SAMHD1: variants seen among roughly 807,000 people sequenced by gnomAD.
The protein encoded by SAMHD1 is SAM and HD domain containing deoxynucleoside triphosphate triphosphohydrolase 1.
A neutral mutation model predicts 79.6 loss-of-function variants in SAMHD1; 54 were observed. The observed-to-expected ratio is 0.68, with a 90% confidence interval of 0.55 to 0.85. The LOEUF (loss-of-function observed/expected upper bound fraction) is 0.85, where lower values mean the gene tolerates loss of function less well. Ranked by LOEUF, SAMHD1 falls within the 40% of genes least tolerant of loss-of-function variation. SAMHD1 has a pLI of 0.00. For missense variants in SAMHD1, 663 were observed against 782.7 expected, an observed-to-expected ratio of 0.85 and a Z score of 1.82; for synonymous variants, 260 against 264.1, an observed-to-expected ratio of 0.98 and a Z score of 0.15.
rs1568788547 is a variant in SAMHD1, at chr20:36,951,635, T to C, written c.9A>G (p.Arg3=). The C allele has an allele frequency of 6.2e-7, 1 of 1,613,466 alleles. No homozygotes were observed. Among genetic ancestry groups the C allele is most frequent in the Non-Finnish European group, 8.5e-7 (1 of 1,179,980 alleles). ...GCTTGGAGGGCTGCTCGGAATCGGC[T>C]CGCTGCATGGCTACACCTGGCGTCC... MQ[R]ADSEQPSKRP... is the part of the protein sequence containing the mutation. Residue 3 remains arginine (R), a synonymous_variant, in exon 1 of 16, where the codon CGA becomes CGG. Coordinates refer to ENST00000646673, the MANE Select transcript of SAMHD1 (RefSeq NM_015474.4).
chr20:36,897,467 T>G (rs1990219191), intron 15 of SAMHD1: 1 of 335,458 alleles, frequency 3.0e-6, no homozygotes, highest in Non-Finnish European at 5.7e-6. Context: ...TATTATCAAT[T>G]TTATGTTAAA....
chr20:36,894,205 G>T (rs908820430), intron 15 of SAMHD1: 2 of 362,284 alleles, frequency 5.5e-6, no homozygotes, highest in African/African-American at 4.2e-5. Flanking sequence ...GATCTGACTT[G>T]ATAGAACTAT....
chr20:36,894,269 CT>C (rs1163590538), intron 15 of SAMHD1: 3 of 178,582 alleles, frequency 1.7e-5, no homozygotes, highest in African/African-American at 2.4e-5. Context: ...TGGAATTTTG[CT>C]CTGTCACCCA....
chr20:36,897,624 C>T, intron 15 of SAMHD1, 198 bp downstream of exon 15: 2 of 641,752 alleles, frequency 3.1e-6, no homozygotes, highest in Non-Finnish European at 5.5e-6. Flanking sequence ...AGTATCCATT[C>T]CCAACTCCTG....
intron 9 of SAMHD1, chr20:36,916,498 A>C: frequency 2.1e-6 from 1 of 470,888 alleles, no homozygotes; most frequent in East Asian, 4.1e-5. Context: ...CAAACAAAAA[A>C]ACCCCAAAAC....
chr20:36,930,792 C>G lies in SAMHD1; in HGVS notation c.593G>C (p.Cys198Ser), dbSNP rs1265597702. Reference sequence around the variant, plus strand: ...ATGACAAAGTCCAGCAATCTGAACACAGAGAACATCTCGTTCACTTATCTG... The same window carrying G: ...ATGACAAAGTCCAGCAATCTGAACAGAGAGAACATCTCGTTCACTTATCTG... The part of the protein sequence containing the change: ...ELQISERDVL[C>S]VQIAGLCHDL... The change falls in exon 5 of 16, where the codon TGT becomes TCT. Residue 198 changes from cysteine to serine, a missense_variant. Physicochemically the swap from Cys to Ser is moderately radical, Grantham distance 112. Coordinates refer to ENST00000646673, the MANE Select transcript of SAMHD1 (RefSeq NM_015474.4). The G allele has an allele frequency of 6.2e-7, 1 of 1,613,826 alleles. No individual in the cohort carries two copies. Among genetic ancestry groups the G allele is most frequent in the Non-Finnish European group, 8.5e-7 (1 of 1,179,806 alleles).
intron 2 of SAMHD1, among the ~76,000 whole-genome samples, chr20:36,942,182 G>A (rs534810849): frequency 9.8e-5 from 15 of 152,322 alleles, no homozygotes; most frequent in South Asian, 6.2e-4. Flanking sequence ...TTGGGAGGCC[G>A]AGGTGGGTGG....
intron 12 of SAMHD1, 134 bp downstream of exon 12, chr20:36,905,230 G>T: frequency 1.0e-6 from 1 of 968,582 alleles, no homozygotes; most frequent in Non-Finnish European, 1.7e-6. Flanking sequence ...TAAGACCCCT[G>T]CACTACTGTG....
Position 36,905,410 on chromosome 20 carries a change from T to C in SAMHD1, c.1364A>G (p.Lys455Arg), listed in dbSNP as rs375221582. ...TGTTGGCTGCGTCTCACCCACATACTTGAATAGATTACGGTATTCAATTTG... is the reference window on the plus strand; with the variant it reads ...TGTTGGCTGCGTCTCACCCACATACCTGAATAGATTACGGTATTCAATTTG... ...LKQIEYRNLF[K>R]YVGETQPTGQ... Residue 455 changes from lysine to arginine, a missense_variant, in exon 12 of 16, where the codon AAG becomes AGG. Transcript: ENST00000646673. 1 of 1,614,082 alleles carries C rather than the reference T, an allele frequency of 6.2e-7. No homozygotes were observed. The highest frequency in any genetic ancestry group is 8.5e-7 in the Non-Finnish European group (1 of 1,179,940).
At position 36,951,673 on chromosome 20, in the gene SAMHD1, A is replaced by G; in HGVS notation, c.-30T>C. ...ACACCTGGCGTCCGGCACAGCAGTC[A>G]AGAACCTCGGCGCCGGACCCGCGCG... On this transcript the variant is annotated 5_prime_UTR_variant, in exon 1 of 16. Transcript: ENST00000646673. 1.2e-6 allele frequency: 2 copies of G among 1,611,374 alleles called. No individual in the cohort carries two copies. Among genetic ancestry groups the G allele is most frequent in the Non-Finnish European group, 1.7e-6 (2 of 1,179,876 alleles).
rs572764601 is a variant in SAMHD1 at position 36,924,029 on chromosome 20, A to G, written c.696+3153T>C. Among the ~76,000 whole-genome samples, 5 of 152,244 alleles carry G rather than the reference A, an allele frequency of 3.3e-5. No homozygotes were observed. In the South Asian group the frequency reaches 1.0e-3, roughly 32 times the overall value. On this transcript the variant is annotated intron_variant, in intron 6 of 15. Transcript: ENST00000646673. ...CTTTAGGAGGCCAAGCGGGGCAGAT[A>G]GCTTGAGCTCGGGAGTTGAGACCAG...
chr20:36,911,201 T>C lies in SAMHD1; in HGVS notation c.1270+17A>G, dbSNP rs2063437409. The C allele has an allele frequency of 3.4e-6, 5 of 1,477,688 alleles. No individual in the cohort carries two copies. The highest frequency in any genetic ancestry group is 1.4e-5 in the African/African-American group (1 of 72,236). 91.5% of individuals were successfully genotyped at this position (1,477,688 alleles called of 1,614,324 possible). ...TTTATCTGAGATGGACCATCTATGT[T>C]ACCTGTTACTTCTTACCTGTCAGCT... On this transcript the variant is annotated intron_variant, in intron 11 of 15. Coordinates refer to ENST00000646673, the MANE Select transcript of SAMHD1 (RefSeq NM_015474.4).
At chr20:36,898,405 C>A (rs1425150256) in intron 14 of SAMHD1, 35 bp downstream of exon 14, 1 of 1,434,510 alleles carries the variant, frequency 7.0e-7, no homozygotes, top group Admixed American at 1.7e-5. Context: ...TTGCTACATG[C>A]CACTATAGTA....
At chr20:36,937,648 T>C (rs1190143802) in intron 3 of SAMHD1, among the ~76,000 whole-genome samples, 2 of 152,162 alleles carry the variant, frequency 1.3e-5, no homozygotes, top group African/African-American at 4.8e-5. Flanking sequence ...GTTTTAAGTA[T>C]CAAGTTAGGT....
chr20:36,898,350 C>T (rs1156793180), intron 14 of SAMHD1, 90 bp downstream of exon 14: 29 of 1,021,886 alleles, frequency 2.8e-5, no homozygotes, highest in East Asian at 7.2e-5. Context: ...AAAGATATGC[C>T]TTAAAACCTA....
intron 12 of SAMHD1, 84 bp from the exon 13 acceptor site, chr20:36,904,333 C>T: frequency 1.1e-6 from 1 of 902,998 alleles, no homozygotes; most frequent in Non-Finnish European, 1.9e-6. Context: ...ATGAAAATGG[C>T]ACCTAACTAA....
intron 9 of SAMHD1, 196 bp downstream of exon 9, chr20:36,916,526 C>T: frequency 1.9e-6 from 1 of 534,856 alleles, no homozygotes; most frequent in South Asian, 2.2e-5. Flanking sequence ...TAACTCAAAA[C>T]TTAATAAATG....
At chr20:36,916,160 C>CAAAAAAAAAAAA (rs888889988) in intron 9 of SAMHD1, among the ~76,000 whole-genome samples, 1 of 142,542 alleles carries the variant, frequency 7.0e-6, no homozygotes, top group Admixed American at 7.1e-5. Context: ...GACTCCGTCT[C>CAAAAAAAAAAAA]AAAAAAAAAA....
At chr20:36,944,860 C>G (rs1484353723) in intron 2 of SAMHD1, among the ~76,000 whole-genome samples, 1 of 152,186 alleles carries the variant, frequency 6.6e-6, no homozygotes, top group African/African-American at 2.4e-5. Flanking sequence ...TGCCATTGCA[C>G]TCCAGCCTGG....
Sources: gnomAD v4.1 joint callset for allele counts (sites outside exome capture counted in the v4.1 genomes callset) on GRCh38, gnomAD v4.1.1 for gene constraint, MANE v1.5 for transcripts, NCBI Gene and HGNC (gene_info 2026-07-23, HGNC 2026-07-21) for gene names.